The following TMTC1 variants were observed in gnomAD, a reference collection of about 807,000 sequenced individuals.
TMTC1 encodes the protein transmembrane O-mannosyltransferase targeting cadherins 1.
In TMTC1, 73 loss-of-function variants were observed where a neutral mutation model predicts 104.8. That is an observed-to-expected ratio of 0.70 (90% CI 0.58 to 0.85). TMTC1 has a LOEUF of 0.85. Among genes scored for constraint, TMTC1 ranks in the 40% least tolerant of loss-of-function variants. The pLI is 0.00. For synonymous variants in TMTC1, 434 were observed against 428.7 expected (o/e 1.01, Z -0.15); for missense variants, 1,035 against 1,096.1 (o/e 0.94, Z 0.79).
chr12:29,668,694 C>CCTCCCA (rs1940388142), intron 5 of TMTC1, among the ~76,000 whole-genome samples: 5 of 152,148 alleles, frequency 3.3e-5, no homozygotes, highest in Admixed American at 2.0e-4. Context: ...CTCCTGACCT[C>CCTCCCA]AGGTGATCCA....
In TMTC1 at chr12:29,516,459, T is replaced by C. The variant is rs1272264861; in HGVS notation, c.2197A>G (p.Thr733Ala). The change falls in exon 15 of 18, where the codon ACA (threonine) becomes GCA (alanine). Residue 733 changes from threonine (T) to alanine (A), a missense_variant. Physicochemically the swap from Thr to Ala is moderately conservative, Grantham distance 58. Transcript: ENST00000539277. ...TTGGTCATCTTTTCAGCTTCTTTTG[T>C]CTGACCCATCACGGCCAAAACCTGA... The part of the protein sequence containing the change: ...LAQVLAVMGQ[T>A]KEAEKMTNHI... The C allele has an allele frequency of 6.2e-7, 1 of 1,613,984 alleles. No individual in the cohort carries two copies. Among genetic ancestry groups the C allele is most frequent in the South Asian group, 1.1e-5 (1 of 91,064 alleles).
chr12:29,706,265 G>A (rs1941740401), intron 5 of TMTC1, among the ~76,000 whole-genome samples: 1 of 152,188 alleles, frequency 6.6e-6, no homozygotes, highest in South Asian at 2.1e-4. Flanking sequence ...GCAGGAAGAG[G>A]AAGGTTTAGA....
intron 5 of TMTC1, among the ~76,000 whole-genome samples, chr12:29,744,733 A>C (rs983787353): frequency 2.0e-5 from 3 of 152,186 alleles, no homozygotes; most frequent in African/African-American, 4.8e-5. Flanking sequence ...CAAAGAAAAC[A>C]CTTTTCTGGC....
At chr12:29,756,976 A>G (rs1943230527) in intron 3 of TMTC1, among the ~76,000 whole-genome samples, 1 of 152,210 alleles carries the variant, frequency 6.6e-6, no homozygotes, top group Non-Finnish European at 1.5e-5. Flanking sequence ...AAATATATTA[A>G]CCACAAAGAA....
chr12:29,767,882 A>C lies in TMTC1; in HGVS notation c.480+16T>G. On this transcript the variant is annotated intron_variant, in intron 2 of 17. Transcript: ENST00000539277. Reference sequence around the variant, plus strand: ...CATTCATATTCGTTATTTCACTGAGATCCAATTACACTTACCGCCTCAGTA... The same window carrying C: ...CATTCATATTCGTTATTTCACTGAGCTCCAATTACACTTACCGCCTCAGTA... 6.2e-7 allele frequency: 1 copy of C among 1,612,450 alleles called. No homozygotes were observed. Among genetic ancestry groups the C allele is most frequent in the Non-Finnish European group, 8.5e-7 (1 of 1,178,952 alleles).
intron 5 of TMTC1, among the ~76,000 whole-genome samples, chr12:29,750,176 GC>G (rs1022934554): frequency 6.6e-6 from 1 of 150,896 alleles, no homozygotes; most frequent in African/African-American, 2.4e-5. Flanking sequence ...CCTGTGCCCT[GC>G]CCCCTCCTTG....
intron 10 of TMTC1, among the ~76,000 whole-genome samples, chr12:29,551,783 T>C (rs761039130): frequency 2.1e-5 from 3 of 142,174 alleles, no homozygotes; most frequent in African/African-American, 3.0e-5. Flanking sequence ...CTATTTTCTT[T>C]CTTCTTTTTT....
At chr12:29,684,002 C>T (rs902885689) in intron 5 of TMTC1, among the ~76,000 whole-genome samples, 6 of 152,078 alleles carry the variant, frequency 3.9e-5, no homozygotes, top group African/African-American at 1.2e-4. Context: ...TGCCACCATG[C>T]CCAGCTAATG....
chr12:29,518,353 C>A (rs1156934714), intron 13 of TMTC1, 119 bp downstream of exon 13: 23 of 1,229,414 alleles, frequency 1.9e-5, no homozygotes, highest in Non-Finnish European at 2.2e-5. Context: ...ATTTGTATCA[C>A]CTGAATTGGC....
intron 5 of TMTC1, among the ~76,000 whole-genome samples, chr12:29,723,741 G>C (rs1394663141): frequency 6.6e-6 from 1 of 151,992 alleles, no homozygotes; most frequent in Non-Finnish European, 1.5e-5. Context: ...GAGAGAGAGA[G>C]AAGGAAACCA....
intron 5 of TMTC1, among the ~76,000 whole-genome samples, chr12:29,693,875 T>C (rs1439316460): frequency 1.3e-5 from 2 of 152,214 alleles, no homozygotes; most frequent in African/African-American, 2.4e-5. Flanking sequence ...TGTTATAATT[T>C]AGTTCTCTTG....
At chr12:29,684,678 T>C (rs1941034916) in intron 5 of TMTC1, among the ~76,000 whole-genome samples, 1 of 152,182 alleles carries the variant, frequency 6.6e-6, no homozygotes, top group Admixed American at 6.5e-5. Context: ...CTCTCTAGAC[T>C]CAGAACTGGA....
chr12:29,603,597 T>G (rs895213525), intron 7 of TMTC1, among the ~76,000 whole-genome samples: 2 of 152,078 alleles, frequency 1.3e-5, no homozygotes, highest in African/African-American at 4.8e-5. Flanking sequence ...CTTGGAACAA[T>G]GACATTGGAA....
rs1945262735 is a variant in TMTC1 at position 29,556,983 on chromosome 12, G to A, written c.1550C>T (p.Ala517Val). 1.9e-6 allele frequency: 3 copies of A among 1,614,148 alleles called. No individual in the cohort carries two copies. Among genetic ancestry groups the A allele is most frequent in the Non-Finnish European group, 1.7e-6 (2 of 1,180,016 alleles). ...TGTTCCAAGGTTGTTGAGCGCACTT[G>A]CATGGCGTGGATACAACCTGAAAAG... Reference protein sequence around the residue: ...RTALKLYPRHASALNNLGTLT... With the variant: ...RTALKLYPRHVSALNNLGTLT... Residue 517 changes from alanine to valine, a missense_variant, in exon 10 of 18, where the codon GCA (alanine) becomes GTA (valine). Coordinates refer to ENST00000539277, the MANE Select transcript of TMTC1 (RefSeq NM_001193451.2).
At chr12:29,529,942 A>G (rs1186157673) in intron 11 of TMTC1, 2 of 152,226 alleles carry the variant, frequency 1.3e-5, no homozygotes, top group East Asian at 3.8e-4. Context: ...GCCAAGAACA[A>G]TACAATAAAT....
chr12:29,555,875 T>G (rs1007135367), intron 10 of TMTC1, among the ~76,000 whole-genome samples: 10 of 152,146 alleles, frequency 6.6e-5, no homozygotes, highest in African/African-American at 2.4e-4. Flanking sequence ...GTATTTCTGG[T>G]TCCAGATCCT....
intron 5 of TMTC1, chr12:29,641,161 G>A (rs1385077408): frequency 6.6e-6 from 1 of 152,212 alleles, no homozygotes; most frequent in Non-Finnish European, 1.5e-5. Flanking sequence ...TACCCATCCT[G>A]GTAGCAAAAG....
At chr12:29,737,059 T>C (rs1328145276) in intron 5 of TMTC1, among the ~76,000 whole-genome samples, 3 of 152,254 alleles carry the variant, frequency 2.0e-5, no homozygotes, top group South Asian at 2.1e-4. Flanking sequence ...ATTTAAAGAC[T>C]GCTTACAGAT....
At chr12:29,716,292 G>T (rs78424854) in intron 5 of TMTC1, among the ~76,000 whole-genome samples, 2,630 of 152,084 alleles carry the variant, frequency 0.017, 74 homozygotes, top group African/African-American at 0.059. Context: ...AAAGCTTTGA[G>T]ATTACGGGTA....
Sources: allele counts gnomAD v4.1 joint callset (sites outside exome capture counted in the v4.1 genomes callset), GRCh38; gene constraint gnomAD v4.1.1; transcripts MANE v1.5; gene names NCBI Gene and HGNC (gene_info 2026-07-23, HGNC 2026-07-21).